The following GRAP2 variants were observed in gnomAD, a reference collection of about 807,000 sequenced individuals.
The protein encoded by GRAP2 is GRB2-related adapter protein 2.
A neutral mutation model predicts 43.5 loss-of-function variants in GRAP2; 31 were observed. The observed-to-expected ratio is 0.71, with a 90% CI of 0.54 to 0.96. The LOEUF (loss-of-function observed/expected upper bound fraction) is 0.96, where lower values mean the gene tolerates loss of function less well. GRAP2 is among the 40% of genes least tolerant of loss of function. The probability of loss-of-function intolerance (pLI) is 0.00; values close to 1 mark genes in which losing one functional copy is unlikely to be tolerated. For missense variants in GRAP2, 371 were observed against 424.4 expected, an observed-to-expected ratio of 0.87 and a Z score of 1.11; for synonymous variants, 156 against 164.8, an observed-to-expected ratio of 0.95 and a Z score of 0.41.
intron 1 of GRAP2, among the ~76,000 whole-genome samples, chr22:39,910,727 T>C (rs2066556181): frequency 6.7e-6 from 1 of 150,304 alleles, no homozygotes; most frequent in Non-Finnish European, 1.5e-5. Flanking sequence ...TATTCTGTAC[T>C]TACACTGTTG....
intron 1 of GRAP2, among the ~76,000 whole-genome samples, chr22:39,937,892 C>G (rs2066822059): frequency 6.6e-6 from 1 of 151,920 alleles, no homozygotes; most frequent in East Asian, 1.9e-4. Flanking sequence ...TTGAGTTTAA[C>G]AGAACATATA....
intron 1 of GRAP2, among the ~76,000 whole-genome samples, chr22:39,902,826 C>T (rs2066501193): frequency 6.6e-6 from 1 of 152,188 alleles, no homozygotes; most frequent in Non-Finnish European, 1.5e-5. Context: ...AATGAGTTAA[C>T]ATAGATATGA....
At chr22:39,955,779 C>G (rs371878652) in intron 2 of GRAP2, 40 bp from the exon 3 acceptor site, 15 of 1,010,684 alleles carry the variant, frequency 1.5e-5, no homozygotes, top group Non-Finnish European at 2.4e-5. Flanking sequence ...TTTTGGTGTC[C>G]TCCCTCCAAT....
intron 1 of GRAP2, among the ~76,000 whole-genome samples, chr22:39,941,302 C>G (rs562853763): frequency 6.6e-6 from 1 of 152,170 alleles, no homozygotes; most frequent in Non-Finnish European, 1.5e-5. Context: ...AGAACAACCC[C>G]ACGGAGTAAC....
At chr22:39,927,651 C>T (rs1052227122) in intron 1 of GRAP2, among the ~76,000 whole-genome samples, 3 of 152,114 alleles carry the variant, frequency 2.0e-5, no homozygotes, top group East Asian at 1.9e-4. Flanking sequence ...CAGGCCCAAT[C>T]GATCTAAGGC....
At chr22:39,939,207 G>A (rs2066838770) in intron 1 of GRAP2, among the ~76,000 whole-genome samples, 1 of 152,194 alleles carries the variant, frequency 6.6e-6, no homozygotes, top group Admixed American at 6.5e-5. Context: ...GGGATCACCT[G>A]TGCAAACAGG....
At chr22:39,954,398 A>C (rs898231940) in intron 2 of GRAP2, among the ~76,000 whole-genome samples, 1 of 151,970 alleles carries the variant, frequency 6.6e-6, no homozygotes, top group Non-Finnish European at 1.5e-5. Context: ...TCAAAGACTT[A>C]AAAAAAATTT....
chr22:39,941,765 A>T (rs2066873457), intron 1 of GRAP2, among the ~76,000 whole-genome samples: 2 of 152,220 alleles, frequency 1.3e-5, no homozygotes. Context: ...GATGGCCAAC[A>T]AAGCCAAAAT....
chr22:39,963,972 C>G (rs184081162), intron 4 of GRAP2: 1 of 163,946 alleles, frequency 6.1e-6, no homozygotes, highest in African/African-American at 2.4e-5. Flanking sequence ...GCAGAGATCA[C>G]GCCACTGCAC....
At chr22:39,970,804 T>C in intron 7 of GRAP2, 101 bp from the exon 8 acceptor site, 1 of 1,092,224 alleles carries the variant, frequency 9.2e-7, no homozygotes, top group Non-Finnish European at 1.3e-6. Context: ...TCAGGGAATG[T>C]TGCTCTCAAA....
In GRAP2 at chr22:39,970,876, C is replaced by G. The variant is rs758123090; in HGVS notation, c.814-29C>G. On this transcript the variant is annotated intron_variant, in intron 7 of 7. Coordinates refer to ENST00000344138, the MANE Select transcript of GRAP2 (RefSeq NM_004810.4). ...CCTGCCTGCCCAGCCCACAGCTCAG[C>G]AGAGCCTCTTCTGTGCTTCCCCCAA... The G allele has an allele frequency of 2.6e-5, 40 of 1,560,384 alleles. 1 individual carries two copies. The South Asian group carries it at 4.2e-4, about 16-fold the overall frequency.
intron 2 of GRAP2, among the ~76,000 whole-genome samples, chr22:39,951,366 G>C (rs1272987718): frequency 6.6e-6 from 1 of 152,160 alleles, no homozygotes; most frequent in African/African-American, 2.4e-5. Flanking sequence ...GTCTCCTTCT[G>C]TAATGCAGCT....
At chr22:39,895,090 G>T in the GRAP2 span, among the ~76,000 whole-genome samples, 1 of 152,208 alleles carries the variant, frequency 6.6e-6, no homozygotes, top group African/African-American at 2.4e-5. Context: ...TAGTGGAGCA[G>T]CAGAGGAAGG....
rs146500246 is a variant in GRAP2, at chr22:39,907,003, A to G, written c.-15+5673A>G. Among the ~76,000 whole-genome samples, 451 of 152,312 alleles carry G rather than the reference A, an allele frequency of 3.0e-3. 5 individuals carry two copies. The highest frequency in any genetic ancestry group is 0.01 in the African/African-American group (433 of 41,568). On this transcript the variant is annotated intron_variant, in intron 1 of 7. Transcript: ENST00000344138. ...ACACAGTTTAACCCTTTATAAAACA[A>G]AATGTAAAGTCTGATAGCTGAAAAG...
intron 1 of GRAP2, among the ~76,000 whole-genome samples, chr22:39,908,653 T>G (rs2066538914): frequency 6.6e-6 from 1 of 152,214 alleles, no homozygotes; most frequent in Admixed American, 6.5e-5. Context: ...CAGCTGTGAA[T>G]GCAGAAGTCC....
chr22:39,952,119 TG>T (rs1488005310), intron 2 of GRAP2, among the ~76,000 whole-genome samples: 1 of 150,280 alleles, frequency 6.7e-6, no homozygotes, highest in East Asian at 2.0e-4. Flanking sequence ...CTCCGCCTCC[TG>T]GGTTCAAGCA....
At chr22:39,968,479 A>G (rs151115289) in intron 6 of GRAP2, 7 of 518,690 alleles carry the variant, frequency 1.3e-5, no homozygotes, top group African/African-American at 1.3e-4. Context: ...ACACACACAC[A>G]CTGTCTCACA....
rs900268147 is a variant in GRAP2 at position 39,971,621 on chromosome 22, C to T, written c.*537C>T. On this transcript the variant is annotated 3_prime_UTR_variant, in exon 8 of 8. Coordinates refer to ENST00000344138, the MANE Select transcript of GRAP2 (RefSeq NM_004810.4). ...GGTGCAGCCCAGTGCTGCGGGCAGC[C>T]AAGCGAGTCTGAGCGGGGATGTGAA... 6.6e-6 allele frequency: 1 copy of T among 152,632 alleles called. No homozygotes were observed. Among genetic ancestry groups the T allele is most frequent in the African/African-American group, 2.4e-5 (1 of 41,452 alleles). 9.5% of individuals were successfully genotyped at this position (152,632 alleles called of 1,614,324 possible).
At chr22:39,969,621 C>G (rs908398736) in intron 7 of GRAP2, 88 bp downstream of exon 7, 1 of 1,434,828 alleles carries the variant, frequency 7.0e-7, no homozygotes, top group Non-Finnish European at 9.7e-7. Context: ...AGACTCAAAC[C>G]ACACAGATCT....
Sources: allele counts gnomAD v4.1 joint callset (sites outside exome capture counted in the v4.1 genomes callset), GRCh38; gene constraint gnomAD v4.1.1; transcripts MANE v1.5; gene names NCBI Gene and HGNC (gene_info 2026-07-23, HGNC 2026-07-21).